Variants in KPNA6 observed in about 807,000 individuals in gnomAD.
KPNA6 encodes the protein importin subunit alpha-7.
In KPNA6, 9 loss-of-function variants were observed where a neutral mutation model predicts 72.0. That is an observed-to-expected ratio of 0.13 (90% CI 0.08 to 0.22). KPNA6 has a LOEUF of 0.22. KPNA6 is among the 10% of genes least tolerant of loss of function. KPNA6 has a pLI of 1.00. For missense variants in KPNA6, 374 were observed against 655.7 expected, an observed-to-expected ratio of 0.57 and a Z score of 4.69; for synonymous variants, 219 against 242.1, an observed-to-expected ratio of 0.90 and a Z score of 0.89.
intron 1 of KPNA6, among the ~76,000 whole-genome samples, chr1:32,117,917 TTTTTC>T: frequency 6.6e-6 from 1 of 152,096 alleles, no homozygotes; most frequent in South Asian, 2.1e-4. Context: ...ATCTCACCTG[TTTTTC>T]TTTTCTTTTT....
At chr1:32,117,070 C>T (rs940593262) in intron 1 of KPNA6, among the ~76,000 whole-genome samples, 6 of 152,038 alleles carry the variant, frequency 3.9e-5, no homozygotes, top group East Asian at 1.9e-4. Flanking sequence ...TGAAATATTA[C>T]GAGAATTACC....
chr1:32,134,179 C>CTCCGCCT (rs1284444272), intron 1 of KPNA6, among the ~76,000 whole-genome samples: 17 of 151,242 alleles, frequency 1.1e-4, no homozygotes, highest in Non-Finnish European at 2.4e-4. Context: ...ATTGCTTGAA[C>CTCCGCCT]CCAGGAGGCG....
chr1:32,123,437 A>G (rs1181230293), intron 1 of KPNA6, among the ~76,000 whole-genome samples: 1 of 152,020 alleles, frequency 6.6e-6, no homozygotes, highest in Non-Finnish European at 1.5e-5. Context: ...TATTCAATGC[A>G]TGGTTAAGAA....
intron 1 of KPNA6, among the ~76,000 whole-genome samples, chr1:32,118,997 C>CATATATATATATATATAT (rs71578197): frequency 8.4e-5 from 5 of 59,828 alleles, no homozygotes; most frequent in Non-Finnish European, 1.5e-4. Context: ...TGTGTGTATA[C>CATATATATATATATATAT]ATATATATAT....
chr1:32,147,592 C>T (rs1228481918), intron 1 of KPNA6, among the ~76,000 whole-genome samples: 1 of 151,860 alleles, frequency 6.6e-6, no homozygotes, highest in Non-Finnish European at 1.5e-5. Flanking sequence ...ACCACTGAAC[C>T]CAGCCTCTTT....
chr1:32,146,986 G>T (rs1319126834), intron 1 of KPNA6, among the ~76,000 whole-genome samples: 2 of 151,872 alleles, frequency 1.3e-5, no homozygotes, highest in African/African-American at 4.8e-5. Flanking sequence ...CTCCCAAGTA[G>T]CTGGGACTGC....
chr1:32,114,551 A>G (rs1484018359), intron 1 of KPNA6, among the ~76,000 whole-genome samples: 1 of 152,026 alleles, frequency 6.6e-6, no homozygotes, highest in East Asian at 1.9e-4. Context: ...CAGTGGATTC[A>G]GCATACGTTT....
intron 1 of KPNA6, among the ~76,000 whole-genome samples, chr1:32,132,990 C>T (rs1641668024): frequency 6.6e-6 from 1 of 152,104 alleles, no homozygotes; most frequent in South Asian, 2.1e-4. Context: ...CTGCCCCAGC[C>T]TCCAAAAGTG....
intron 11 of KPNA6, among the ~76,000 whole-genome samples, chr1:32,166,616 C>T (rs1642343394): frequency 1.6e-5 from 2 of 127,494 alleles, no homozygotes; most frequent in African/African-American, 3.0e-5. Flanking sequence ...CAGAGCGAGA[C>T]TCCGTCTCAA....
intron 1 of KPNA6, among the ~76,000 whole-genome samples, chr1:32,141,454 G>A (rs1641836911): frequency 7.8e-6 from 1 of 128,624 alleles, no homozygotes; most frequent in Non-Finnish European, 1.6e-5. Context: ...CTGGAGTGCA[G>A]TGGCGCGATC....
intron 1 of KPNA6, among the ~76,000 whole-genome samples, chr1:32,143,249 G>A (rs1012475957): frequency 1.3e-4 from 20 of 152,008 alleles, no homozygotes; most frequent in Non-Finnish European, 1.8e-4. Context: ...TTTTTTTGTA[G>A]AGATTGTGGT....
intron 13 of KPNA6, 63 bp downstream of exon 13, chr1:32,170,123 A>T (rs764259159): frequency 4.8e-6 from 7 of 1,445,540 alleles, no homozygotes; most frequent in Non-Finnish European, 6.7e-6. Flanking sequence ...CGTGGTATAC[A>T]TATGTTGGTG....
chr1:32,175,101 G>C lies in KPNA6; in HGVS notation c.*4207G>C, dbSNP rs898304212. 1 of 152,212 alleles carries C rather than the reference G, an allele frequency of 6.6e-6. No homozygotes were observed. The highest frequency in any genetic ancestry group is 6.5e-5 in the Admixed American group (1 of 15,288). The allele number at this position is 152,212 out of a possible 1,614,324, so 9.4% of individuals were successfully genotyped here. On this transcript the variant is annotated 3_prime_UTR_variant, in exon 14 of 14. Transcript: ENST00000373625. ...CTAGCCCCACACCCTGATTTAGACC[G>C]TGGCAAAGGAAGAACTTGAGGTCAA...
chr1:32,134,094 T>C (rs1016704974), intron 1 of KPNA6, among the ~76,000 whole-genome samples: 1 of 147,758 alleles, frequency 6.8e-6, no homozygotes, highest in Non-Finnish European at 1.5e-5. Flanking sequence ...AATACAAAAT[T>C]TTTTTTTTTT....
At chr1:32,134,604 C>A (rs1456808896) in intron 1 of KPNA6, among the ~76,000 whole-genome samples, 3 of 149,894 alleles carry the variant, frequency 2.0e-5, no homozygotes. Context: ...TGCCACTGCA[C>A]TCAAACCTGG....
chr1:32,150,273 C>T (rs1344931641), intron 1 of KPNA6, among the ~76,000 whole-genome samples: 1 of 151,320 alleles, frequency 6.6e-6, no homozygotes, highest in East Asian at 1.9e-4. Context: ...GCTGGGATTA[C>T]AGGCACCAGC....
At chr1:32,145,545 A>G (rs1641915787) in intron 1 of KPNA6, among the ~76,000 whole-genome samples, 1 of 149,358 alleles carries the variant, frequency 6.7e-6, no homozygotes, top group South Asian at 2.1e-4. Flanking sequence ...GGCTGGCCTC[A>G]GACTCCTGAC....
chr1:32,132,606 A>T (rs1336449062), intron 1 of KPNA6, among the ~76,000 whole-genome samples: 2 of 152,126 alleles, frequency 1.3e-5, no homozygotes, highest in Non-Finnish European at 2.9e-5. Context: ...ATTTTATTTT[A>T]AAAATATGGG....
intron 1 of KPNA6, among the ~76,000 whole-genome samples, chr1:32,122,737 C>T (rs1324690047): frequency 6.6e-6 from 1 of 152,034 alleles, no homozygotes; most frequent in Non-Finnish European, 1.5e-5. Flanking sequence ...AGGCAAATCA[C>T]CTGAGGCCAG....
Sources: gnomAD v4.1 joint callset for allele counts (sites outside exome capture counted in the v4.1 genomes callset) on GRCh38, gnomAD v4.1.1 for gene constraint, MANE v1.5 for transcripts, NCBI Gene and HGNC (gene_info 2026-07-23, HGNC 2026-07-21) for gene names.